The following TENM3 variants were observed in gnomAD, a reference collection of about 807,000 sequenced individuals.
The protein encoded by TENM3 is teneurin-3.
Under a neutral mutation model 255.1 loss-of-function variants are expected in TENM3, and 63 were observed. The observed-to-expected ratio is 0.25, with a 90% confidence interval of 0.20 to 0.30. The LOEUF (loss-of-function observed/expected upper bound fraction) is 0.30, where lower values mean the gene tolerates loss of function less well. Among genes scored for constraint, TENM3 ranks in the 10% least tolerant of loss-of-function variants. TENM3 has a pLI of 1.00. For synonymous variants in TENM3, 1,306 were observed against 1,322.3 expected, an observed-to-expected ratio of 0.99 and a Z score of 0.27; for missense variants, 2,929 against 3,461.1, an observed-to-expected ratio of 0.85 and a Z score of 3.86.
At chr4:181,909,189 T>G in the TENM3 span, among the ~76,000 whole-genome samples, 8 of 152,202 alleles carry the variant, frequency 5.3e-5, no homozygotes, top group Non-Finnish European at 8.8e-5. Flanking sequence ...ACTCCTGTCT[T>G]TAAGACAATA....
At chr4:181,584,132 G>A in the TENM3 span, among the ~76,000 whole-genome samples, 1 of 152,126 alleles carries the variant, frequency 6.6e-6, no homozygotes, top group East Asian at 1.9e-4. Flanking sequence ...AGTATTTGTT[G>A]GAAGAATTAA....
intron 4 of TENM3, among the ~76,000 whole-genome samples, chr4:182,626,299 C>T (rs1354117050): frequency 6.6e-6 from 1 of 152,050 alleles, no homozygotes; most frequent in Non-Finnish European, 1.5e-5. Context: ...TGTACACATT[C>T]GTTTTGATGA....
chr4:182,650,484 G>A (rs1409675104), intron 5 of TENM3, among the ~76,000 whole-genome samples: 2 of 150,102 alleles, frequency 1.3e-5, no homozygotes, highest in Non-Finnish European at 3.0e-5. Flanking sequence ...TTTATTTGGC[G>A]AATTTTCCCT....
chr4:182,144,378 C>T (rs1370870920), upstream of TENM3: 1 of 152,772 alleles, frequency 6.5e-6, no homozygotes, highest in African/African-American at 2.4e-5. Flanking sequence ...CCTCCCCGGT[C>T]CTCCCGCTCG....
chr4:182,481,472 A>AT (rs36067072), intron 3 of TENM3, among the ~76,000 whole-genome samples: 31,989 of 151,988 alleles, frequency 0.21, 3,708 homozygotes, highest in Non-Finnish European at 0.26. Flanking sequence ...TTACGTTGAG[A>AT]TTTTTTTAAA....
At chr4:181,470,108 T>TAAAAAAAAAAAAAAAAAAAA in the TENM3 span, among the ~76,000 whole-genome samples, 19 of 112,736 alleles carry the variant, frequency 1.7e-4, no homozygotes, top group African/African-American at 5.9e-4. Context: ...ATAGCTTCTG[T>TAAAAAAAAAAAAAAAAAAAA]AAAAAAAAAA....
intron 1 of TENM3, among the ~76,000 whole-genome samples, chr4:182,309,023 C>T (rs1445863953): frequency 6.6e-6 from 1 of 152,184 alleles, no homozygotes; most frequent in Non-Finnish European, 1.5e-5. Flanking sequence ...ACCGACCTAG[C>T]CCCTACTGTC....
At chr4:182,371,742 G>A (rs1766831678) in intron 3 of TENM3, among the ~76,000 whole-genome samples, 1 of 151,916 alleles carries the variant, frequency 6.6e-6, no homozygotes, top group Admixed American at 6.6e-5. Flanking sequence ...TCTCCCTCCC[G>A]TCCCCTCTCA....
At chr4:181,797,423 C>T in the TENM3 span, among the ~76,000 whole-genome samples, 1 of 152,116 alleles carries the variant, frequency 6.6e-6, no homozygotes, top group Non-Finnish European at 1.5e-5. Flanking sequence ...ACACCTTCTC[C>T]TTCCTCTCCT....
chr4:181,549,263 G>T, the TENM3 span, among the ~76,000 whole-genome samples: 2 of 152,208 alleles, frequency 1.3e-5, no homozygotes, highest in African/African-American at 2.4e-5. Context: ...AGCTCCAGGG[G>T]CACGAACATG....
At chr4:181,809,360 A>G in the TENM3 span, among the ~76,000 whole-genome samples, 5 of 152,216 alleles carry the variant, frequency 3.3e-5, no homozygotes, top group African/African-American at 9.7e-5. Context: ...ATAGGCCATG[A>G]GTAACGTCAA....
chr4:181,450,378 ACAC>A, the TENM3 span, among the ~76,000 whole-genome samples: 2 of 152,166 alleles, frequency 1.3e-5, no homozygotes, highest in African/African-American at 4.8e-5. Flanking sequence ...TTCATTGCAA[ACAC>A]TTTCAGTGTA....
the TENM3 span, among the ~76,000 whole-genome samples, chr4:181,811,790 T>A: frequency 2.0e-5 from 3 of 152,306 alleles, no homozygotes; most frequent in South Asian, 6.2e-4. Flanking sequence ...CCTGGCCCTG[T>A]CCTTGACACT....
At chr4:182,354,450 A>G (rs1765389071) in intron 3 of TENM3, among the ~76,000 whole-genome samples, 1 of 152,228 alleles carries the variant, frequency 6.6e-6, no homozygotes, top group African/African-American at 2.4e-5. Flanking sequence ...GAAATAGAAA[A>G]AATAAGTGTT....
chr4:182,752,402 C>G (rs530311080), intron 20 of TENM3, among the ~76,000 whole-genome samples: 9 of 152,232 alleles, frequency 5.9e-5, no homozygotes, highest in African/African-American at 1.9e-4. Context: ...GAATGAGTCC[C>G]AGGCTTCTTT....
At chr4:181,894,166 G>A in the TENM3 span, among the ~76,000 whole-genome samples, 2 of 152,230 alleles carry the variant, frequency 1.3e-5, no homozygotes, top group African/African-American at 4.8e-5. Context: ...TAGGATATGA[G>A]GCAATGATGA....
intron 26 of TENM3, among the ~76,000 whole-genome samples, chr4:182,796,242 A>T (rs1766488516): frequency 6.6e-6 from 1 of 152,260 alleles, no homozygotes; most frequent in Non-Finnish European, 1.5e-5. Context: ...AGCTAATAAC[A>T]CACAACTTCT....
At chr4:181,913,134 A>G in the TENM3 span, among the ~76,000 whole-genome samples, 7 of 152,206 alleles carry the variant, frequency 4.6e-5, no homozygotes, top group Non-Finnish European at 8.8e-5. Flanking sequence ...TGAGCTGTCC[A>G]TCTCACTGAA....
At position 182,570,042 on chromosome 4, in the gene TENM3, G is replaced by A. The variant is rs538027421; in HGVS notation, c.512-30882G>A. 2.0e-5 allele frequency among the ~76,000 whole-genome samples: 3 copies of A among 152,248 alleles called. No individual in the cohort carries two copies. The South Asian group carries it at 6.2e-4, about 32-fold the overall frequency. On this transcript the variant is annotated intron_variant, in intron 3 of 27. Coordinates refer to ENST00000511685, the MANE Select transcript of TENM3 (RefSeq NM_001080477.4). Reference sequence around the variant, plus strand: ...TAGAAAATTTTAAATTATGTATATGGCTCAAGAACATATTTCTTTTGGACA... The same window carrying A: ...TAGAAAATTTTAAATTATGTATATGACTCAAGAACATATTTCTTTTGGACA...
Sources: allele counts gnomAD v4.1 joint callset (sites outside exome capture counted in the v4.1 genomes callset), GRCh38; gene constraint gnomAD v4.1.1; transcripts MANE v1.5; gene names NCBI Gene and HGNC (gene_info 2026-07-23, HGNC 2026-07-21).